The following FKBP3 variants were observed in gnomAD, a reference collection of about 807,000 sequenced individuals.
FKBP3 encodes peptidyl-prolyl cis-trans isomerase FKBP3.
A neutral mutation model predicts 30.6 loss-of-function variants in FKBP3; 21 were observed. The observed-to-expected ratio is 0.69, with a 90% CI of 0.49 to 0.99. FKBP3 has a LOEUF of 0.99. Ranked by LOEUF, FKBP3 falls within the 50% of genes least tolerant of loss-of-function variation. The pLI, the probability that FKBP3 is intolerant of heterozygous loss-of-function variation, is 0.00. For missense variants in FKBP3, 283 were observed against 261.6 expected (o/e 1.08, Z -0.56); for synonymous variants, 82 against 91.3 (o/e 0.90, Z 0.58).
chr14:45,128,348 A>G (rs1254089321), intron 3 of FKBP3, among the ~76,000 whole-genome samples: 1 of 151,660 alleles, frequency 6.6e-6, no homozygotes. Flanking sequence ...AACAAAAACA[A>G]AAAAAGAGAA....
intron 2 of FKBP3, among the ~76,000 whole-genome samples, 158 bp from the exon 3 acceptor site, chr14:45,130,059 A>G (rs891128631): frequency 6.6e-6 from 1 of 152,248 alleles, no homozygotes; most frequent in Admixed American, 6.5e-5. Context: ...AAGAGCAAAG[A>G]AAGAATTTTG....
intron 3 of FKBP3, among the ~76,000 whole-genome samples, chr14:45,128,206 G>A (rs1394859410): frequency 1.3e-5 from 2 of 152,104 alleles, no homozygotes; most frequent in African/African-American, 2.4e-5. Context: ...GCATGGTGGC[G>A]CCTGCCTGGA....
intron 1 of FKBP3, among the ~76,000 whole-genome samples, chr14:45,132,631 C>A (rs1050190984): frequency 2.6e-5 from 4 of 151,892 alleles, no homozygotes; most frequent in African/African-American, 9.7e-5. Context: ...CAATGCCTGG[C>A]CTCAACTGTT....
Position 45,120,927 on chromosome 14 carries a change from G to T in FKBP3, c.482C>A (p.Pro161His). 6 of 1,613,170 alleles carry T rather than the reference G, an allele frequency of 3.7e-6. No individual in the cohort carries two copies. The highest frequency in any genetic ancestry group is 5.1e-6 in the Non-Finnish European group (6 of 1,179,712). The stretch of plus-strand genomic sequence containing the variant: ...GCCTACTCCGACCTTAAAACTTAAA[G>T]GCTTGGCATTTTTCTTCTTCTTTGC... The part of the protein sequence containing the change: ...TSAKKKKNAK[P>H]LSFKVGVGKV... The change falls in exon 5 of 7, where the codon CCT becomes CAT. Residue 161 changes from proline to histidine, a missense_variant. Physicochemically the swap from Pro to His is moderately conservative, Grantham distance 77. Coordinates refer to ENST00000396062, the MANE Select transcript of FKBP3 (RefSeq NM_002013.4).
intron 3 of FKBP3, among the ~76,000 whole-genome samples, chr14:45,124,556 TTTTTTTTTCTTTTTTTAAGAG>T (rs1268186111): frequency 6.7e-6 from 1 of 149,792 alleles, no homozygotes; most frequent in African/African-American, 2.4e-5. Flanking sequence ...TATATATATA[TTTTTTTTTCTTTTTTTAAGAG>T]ACAGGGTTTC....
At chr14:45,133,890 A>T (rs1041881036) in intron 1 of FKBP3, among the ~76,000 whole-genome samples, 1 of 152,188 alleles carries the variant, frequency 6.6e-6, no homozygotes, top group Non-Finnish European at 1.5e-5. Flanking sequence ...CACACGCATT[A>T]ATGTTCAGTA....
At chr14:45,121,352 T>G in intron 4 of FKBP3, 133 bp downstream of exon 4, 1 of 700,000 alleles carries the variant, frequency 1.4e-6, no homozygotes, top group Non-Finnish European at 2.3e-6. Context: ...TCCAAGTAGA[T>G]CTTGGGGGAA....
rs544376782 is a variant in FKBP3, at chr14:45,124,404, C to T, written c.319-2784G>A. ...AAAATTAGCTGGGCATGGTGGCAGG[C>T]GCCTGAAATCCCAGCTATTTAGGGG... On this transcript the variant is annotated intron_variant, in intron 3 of 6. Transcript: ENST00000396062. Among the ~76,000 whole-genome samples the T allele has an allele frequency of 7.2e-4, 110 of 152,068 alleles. 1 individual carries two copies. Among genetic ancestry groups the T allele is most frequent in the Non-Finnish European group, 1.5e-3 (99 of 67,986 alleles).
chr14:45,130,362 T>C (rs190154498), intron 2 of FKBP3, among the ~76,000 whole-genome samples: 387 of 152,358 alleles, frequency 2.5e-3, no homozygotes, highest in Middle Eastern at 6.8e-3. Flanking sequence ...TTAACATATA[T>C]AATAAAACAA....
rs772124958 is a variant in FKBP3 at position 45,129,880 on chromosome 14, T to C, written c.232A>G (p.Ile78Val). Reference sequence around the variant, plus strand: ...TTTACTTGCTCAGACACTTTACTTATACTTTCAGTACCCTTAAAACGCTGT... The same window carrying C: ...TTTACTTGCTCAGACACTTTACTTACACTTTCAGTACCCTTAAAACGCTGT... ...ETKRFKGTES[I>V]SKVSEQVKNV... Residue 78 changes from isoleucine to valine, a missense_variant, in exon 3 of 7, where the codon ATA becomes GTA. Coordinates refer to ENST00000396062, the MANE Select transcript of FKBP3 (RefSeq NM_002013.4). 76 of 1,611,730 alleles carry C rather than the reference T, an allele frequency of 4.7e-5. No individual in the cohort carries two copies. The highest frequency in any genetic ancestry group is 5.9e-5 in the Non-Finnish European group (69 of 1,178,656).
intron 1 of FKBP3, 63 bp downstream of exon 1, chr14:45,134,286 A>G: frequency 1.5e-6 from 2 of 1,297,968 alleles, no homozygotes; most frequent in Non-Finnish European, 2.2e-6. Flanking sequence ...ATGTATGGGC[A>G]TCTCCAGGGG....
chr14:45,118,261 T>C (rs76410513), intron 5 of FKBP3, 136 bp from the exon 6 acceptor site: 28,548 of 536,716 alleles, frequency 0.053, 1,199 homozygotes, highest in East Asian at 0.13. Flanking sequence ...TCTAAGATAA[T>C]GTACTTCAGT....
rs540824148 is a variant in FKBP3, at chr14:45,134,471, T to G, written c.-15A>C. ...GCCGCCGCCATCTTCCCCCGCTGCCTCCGCTTTACTGAGCCAGCCCGCCGC... is the reference window on the plus strand; with the variant it reads ...GCCGCCGCCATCTTCCCCCGCTGCCGCCGCTTTACTGAGCCAGCCCGCCGC... On this transcript the variant is annotated 5_prime_UTR_variant, in exon 1 of 7. Transcript: ENST00000396062. 4 of 1,591,584 alleles carry G rather than the reference T, an allele frequency of 2.5e-6. No homozygotes were observed. The highest frequency in any genetic ancestry group is 1.1e-5 in the South Asian group (1 of 90,378).
At chr14:45,132,562 T>C (rs1447609827) in intron 1 of FKBP3, among the ~76,000 whole-genome samples, 1 of 151,896 alleles carries the variant, frequency 6.6e-6, no homozygotes, top group Non-Finnish European at 1.5e-5. Context: ...CAGGCCCAGC[T>C]AATTTTTTTT....
chr14:45,132,195 ATG>A (rs1885231675), intron 1 of FKBP3, among the ~76,000 whole-genome samples: 1 of 152,204 alleles, frequency 6.6e-6, no homozygotes, highest in Non-Finnish European at 1.5e-5. Flanking sequence ...TTTCAAAGAT[ATG>A]TTCTAAATAA....
chr14:45,122,457 C>T (rs1885006338), intron 3 of FKBP3, among the ~76,000 whole-genome samples: 1 of 152,094 alleles, frequency 6.6e-6, no homozygotes, highest in Non-Finnish European at 1.5e-5. Flanking sequence ...TCTATTAGTT[C>T]CTGAGTTTGA....
chr14:45,126,168 G>C (rs1885092233), intron 3 of FKBP3, among the ~76,000 whole-genome samples: 1 of 150,988 alleles, frequency 6.6e-6, no homozygotes, highest in Non-Finnish European at 1.5e-5. Flanking sequence ...TGGGATAATA[G>C]GCGTGAGCCA....
chr14:45,125,993 G>C (rs1294436132), intron 3 of FKBP3, among the ~76,000 whole-genome samples: 1 of 151,878 alleles, frequency 6.6e-6, no homozygotes, highest in African/African-American at 2.4e-5. Flanking sequence ...CTGGCTCCCA[G>C]GCTCAAAGGA....
intron 1 of FKBP3, chr14:45,133,319 T>G (rs903148234): frequency 3.4e-6 from 1 of 296,392 alleles, no homozygotes; most frequent in African/African-American, 2.3e-5. Flanking sequence ...TACAAAAAAT[T>G]AACCTGGCGT....
Sources: gnomAD v4.1 joint callset for allele counts (sites outside exome capture counted in the v4.1 genomes callset) on GRCh38, gnomAD v4.1.1 for gene constraint, MANE v1.5 for transcripts, NCBI Gene and HGNC (gene_info 2026-07-23, HGNC 2026-07-21) for gene names.